GAS7: variants seen among roughly 807,000 people sequenced by gnomAD.
GAS7 encodes the protein growth arrest-specific protein 7.
In GAS7, 28 loss-of-function variants were observed where a neutral mutation model predicts 71.1. That is an observed-to-expected ratio of 0.39 (90% confidence interval 0.29 to 0.54). GAS7 has a LOEUF of 0.54. Among genes scored for constraint, GAS7 ranks in the 20% least tolerant of loss-of-function variants. The pLI is 0.62. For synonymous variants in GAS7, 258 were observed against 245.8 expected (o/e 1.05, Z -0.46); for missense variants, 436 against 627.8 (o/e 0.69, Z 3.27).
At chr17:9,978,628 T>C (rs746620328) in intron 3 of GAS7, among the ~76,000 whole-genome samples, 2 of 152,036 alleles carry the variant, frequency 1.3e-5, no homozygotes, top group Admixed American at 1.3e-4. Flanking sequence ...CAGTGAGCTA[T>C]GATCATGACA....
intron 1 of GAS7, among the ~76,000 whole-genome samples, chr17:10,045,015 C>G (rs972694708): frequency 7.3e-6 from 1 of 137,278 alleles, no homozygotes; most frequent in Non-Finnish European, 1.5e-5. Flanking sequence ...CACTCCAGCC[C>G]GGGCGACAGA....
At chr17:9,967,829 C>A (rs909953543) in intron 4 of GAS7, among the ~76,000 whole-genome samples, 29 of 152,104 alleles carry the variant, frequency 1.9e-4, no homozygotes, top group Admixed American at 1.4e-3. Flanking sequence ...AAATCAGAAC[C>A]CCTCAAGATA....
intron 5 of GAS7, 66 bp from the exon 6 acceptor site, chr17:9,947,049 T>C: frequency 9.1e-7 from 1 of 1,098,726 alleles, no homozygotes; most frequent in South Asian, 1.3e-5. Flanking sequence ...AGGCTTCGGC[T>C]CCTGGGGGAC....
intron 1 of GAS7, among the ~76,000 whole-genome samples, chr17:10,055,783 C>T (rs1340976260): frequency 6.6e-6 from 1 of 152,204 alleles, no homozygotes; most frequent in Non-Finnish European, 1.5e-5. Flanking sequence ...ACATAACGCG[C>T]TCTGATATTT....
intron 2 of GAS7, among the ~76,000 whole-genome samples, chr17:9,988,557 A>G (rs1166477214): frequency 6.6e-6 from 1 of 152,176 alleles, no homozygotes; most frequent in East Asian, 1.9e-4. Flanking sequence ...GCTACAAGAC[A>G]TTTGAAATTC....
At chr17:10,121,160 C>T (rs2073901679) in intron 1 of GAS7, among the ~76,000 whole-genome samples, 1 of 152,204 alleles carries the variant, frequency 6.6e-6, no homozygotes, top group South Asian at 2.1e-4. Context: ...GAGGGTGGAT[C>T]ACCTGAGGTC....
chr17:10,165,060 G>A (rs1490312998), intron 1 of GAS7, among the ~76,000 whole-genome samples: 1 of 151,186 alleles, frequency 6.6e-6, no homozygotes, highest in African/African-American at 2.4e-5. Context: ...TGAGGCAGGC[G>A]GATCACAAGG....
intron 1 of GAS7, among the ~76,000 whole-genome samples, chr17:10,058,850 C>T (rs923273648): frequency 3.3e-5 from 5 of 152,204 alleles, no homozygotes; most frequent in African/African-American, 1.2e-4. Flanking sequence ...AAAATGGTCA[C>T]ACAGGTAGAA....
At chr17:9,968,866 T>C (rs1263287876) in intron 4 of GAS7, among the ~76,000 whole-genome samples, 1 of 152,244 alleles carries the variant, frequency 6.6e-6, no homozygotes, top group Admixed American at 6.5e-5. Flanking sequence ...ATTGTCATCA[T>C]TTTCATTATC....
chr17:10,141,889 AGT>A (rs1372877156), intron 1 of GAS7, among the ~76,000 whole-genome samples: 1 of 152,226 alleles, frequency 6.6e-6, no homozygotes, highest in Admixed American at 6.5e-5. Flanking sequence ...CATGGTGATG[AGT>A]CAGTAGGCAC....
At chr17:10,162,400 T>G (rs954795743) in intron 1 of GAS7, among the ~76,000 whole-genome samples, 1 of 137,170 alleles carries the variant, frequency 7.3e-6, no homozygotes, top group Non-Finnish European at 1.5e-5. Flanking sequence ...CTGAATTTAT[T>G]TAAAGAATTT....
chr17:10,077,828 A>G (rs1231327529), intron 1 of GAS7, among the ~76,000 whole-genome samples: 1 of 152,218 alleles, frequency 6.6e-6, no homozygotes, highest in Non-Finnish European at 1.5e-5. Flanking sequence ...AAACCAAGAA[A>G]AGGGGAAGAC....
At chr17:10,109,691 G>A (rs2073791975) in intron 1 of GAS7, among the ~76,000 whole-genome samples, 1 of 152,250 alleles carries the variant, frequency 6.6e-6, no homozygotes, top group Non-Finnish European at 1.5e-5. Context: ...GGCCAAGGCA[G>A]GTGGATCACC....
At chr17:10,067,889 T>G (rs1418371737) in intron 1 of GAS7, among the ~76,000 whole-genome samples, 1 of 152,182 alleles carries the variant, frequency 6.6e-6, no homozygotes, top group Non-Finnish European at 1.5e-5. Context: ...CGGAGGAAAG[T>G]TGATATCAAC....
chr17:9,968,840 A>G (rs554599406), intron 4 of GAS7, among the ~76,000 whole-genome samples: 1 of 152,366 alleles, frequency 6.6e-6, no homozygotes, highest in Non-Finnish European at 1.5e-5. Flanking sequence ...CATCATGATC[A>G]TCATCAATGA....
chr17:9,918,336 G>A (rs542702627), intron 12 of GAS7, among the ~76,000 whole-genome samples: 7 of 152,310 alleles, frequency 4.6e-5, no homozygotes, highest in Admixed American at 1.3e-4. Flanking sequence ...AGGGCTTTAC[G>A]TGCGTTCCTT....
intron 5 of GAS7, 138 bp from the exon 6 acceptor site, chr17:9,947,121 G>A: frequency 1.7e-6 from 1 of 580,138 alleles, no homozygotes; most frequent in Non-Finnish European, 3.1e-6. Flanking sequence ...GTGCTCCAGG[G>A]GCCAGCATTT....
At chr17:10,146,912 C>T (rs564528034) in intron 1 of GAS7, among the ~76,000 whole-genome samples, 5 of 148,424 alleles carry the variant, frequency 3.4e-5, no homozygotes, top group African/African-American at 4.9e-5. Flanking sequence ...ACCCGGGAGG[C>T]GGAGTTTGTA....
At chr17:9,948,544 G>A (rs751539393) in intron 5 of GAS7, among the ~76,000 whole-genome samples, 6 of 152,122 alleles carry the variant, frequency 3.9e-5, no homozygotes, top group Non-Finnish European at 7.4e-5. Context: ...TTAGCCAGGC[G>A]TGGTGGCATG....
Sources: allele counts gnomAD v4.1 joint callset (sites outside exome capture counted in the v4.1 genomes callset), GRCh38; gene constraint gnomAD v4.1.1; transcripts MANE v1.5; gene names NCBI Gene and HGNC (gene_info 2026-07-23, HGNC 2026-07-21).